Variants in SORCS2 observed in about 807,000 individuals in gnomAD.
SORCS2 encodes the protein VPS10 domain-containing receptor SorCS2.
Under a neutral mutation model 141.6 loss-of-function variants are expected in SORCS2, and 100 were observed. The observed-to-expected ratio is 0.71, with a 90% CI of 0.60 to 0.83. The LOEUF (loss-of-function observed/expected upper bound fraction) is 0.83. Among genes scored for constraint, SORCS2 ranks in the 40% least tolerant of loss-of-function variants. SORCS2 has a pLI of 0.00. For synonymous variants in SORCS2, 789 were observed against 676.9 expected (o/e 1.17, Z -2.57); for missense variants, 1,646 against 1,560.2 (o/e 1.05, Z -0.93).
At chr4:7,282,198 C>A (rs1422373803) in intron 1 of SORCS2, among the ~76,000 whole-genome samples, 1 of 152,240 alleles carries the variant, frequency 6.6e-6, no homozygotes, top group Non-Finnish European at 1.5e-5. Flanking sequence ...TCAGTGCCGG[C>A]TGCTGCTGTT....
In SORCS2 at chr4:7,718,073, C is replaced by T. The variant is rs1726314775; in HGVS notation, c.2314C>T (p.Gln772Ter). The change falls in exon 18 of 27, where the codon CAG becomes TAG. Residue 772 changes from glutamine to a stop codon, truncating the protein, a stop_gained. Coordinates refer to ENST00000507866, the MANE Select transcript of SORCS2 (RefSeq NM_020777.3). LOFTEE classifies it high-confidence loss of function. Reference protein sequence around the residue: ...GGVDMQQSQVQLQCPLTPPRG... With the variant: ...GGVDMQQSQV ...GGTGGACATGCAGCAGAGTCAGGTG[C>T]AGCTGCAGTGCCCCCTCACGCCGCC... The T allele has an allele frequency of 1.2e-6, 2 of 1,611,430 alleles. No individual in the cohort carries two copies. The highest frequency in any genetic ancestry group is 1.3e-5 in the African/African-American group (1 of 74,980).
rs144370920 is a variant in SORCS2, at chr4:7,474,376, G to T, written c.549-57154G>T. On this transcript the variant is annotated intron_variant, in intron 2 of 26. Coordinates refer to ENST00000507866, the MANE Select transcript of SORCS2 (RefSeq NM_020777.3). ...TCTTTATGGCCTGATGGGCTGACAG[G>T]CATCCCTCCCTTCAATGTCAGGGAG... Among the ~76,000 whole-genome samples, 113 of 152,310 alleles carry T rather than the reference G, an allele frequency of 7.4e-4. 1 individual carries two copies. The highest frequency in any genetic ancestry group is 2.6e-3 in the African/African-American group (108 of 41,566).
chr4:7,422,794 G>A (rs1354688428), intron 2 of SORCS2, among the ~76,000 whole-genome samples: 7 of 152,126 alleles, frequency 4.6e-5, no homozygotes, highest in South Asian at 2.1e-4. Context: ...CCGAGAGTCC[G>A]TTCCAACACC....
At position 7,275,404 on chromosome 4, in the gene SORCS2, A is replaced by G. The variant is rs190431990; in HGVS notation, c.480+82278A>G. ...TTTATTGATCCTTGATAGAGTACCT[A>G]TCATGTGTCTGGCTCAGGGCTGGAC... On this transcript the variant is annotated intron_variant, in intron 1 of 26. Coordinates refer to ENST00000507866, the MANE Select transcript of SORCS2 (RefSeq NM_020777.3). Among the ~76,000 whole-genome samples the G allele has an allele frequency of 1.4e-3, 220 of 152,290 alleles. 3 individuals carry two copies. Among genetic ancestry groups the G allele is most frequent in the Admixed American group, 0.013 (192 of 15,300 alleles).
At chr4:7,478,940 C>T (rs1379017116) in intron 2 of SORCS2, among the ~76,000 whole-genome samples, 1 of 152,232 alleles carries the variant, frequency 6.6e-6, no homozygotes, top group Non-Finnish European at 1.5e-5. Flanking sequence ...TTCTCCTCTC[C>T]TGACGGGCTC....
intron 11 of SORCS2, among the ~76,000 whole-genome samples, chr4:7,691,640 C>T (rs1003248210): frequency 6.6e-6 from 1 of 152,126 alleles, no homozygotes; most frequent in African/African-American, 2.4e-5. Context: ...TGTGACCCAT[C>T]AGCATCAATG....
At chr4:7,444,215 A>T (rs1727853509) in intron 2 of SORCS2, among the ~76,000 whole-genome samples, 1 of 152,394 alleles carries the variant, frequency 6.6e-6, no homozygotes, top group African/African-American at 2.4e-5. Context: ...TCCTGGGAAT[A>T]TTTGAGTTAA....
At chr4:7,247,611 G>A (rs896552764) in intron 1 of SORCS2, among the ~76,000 whole-genome samples, 6 of 152,234 alleles carry the variant, frequency 3.9e-5, no homozygotes, top group Non-Finnish European at 5.9e-5. Context: ...GCGTGTTAGG[G>A]TTGCTGGAGG....
chr4:7,352,046 C>G (rs1159765365), intron 1 of SORCS2, among the ~76,000 whole-genome samples: 3 of 152,068 alleles, frequency 2.0e-5, no homozygotes, highest in African/African-American at 7.2e-5. Context: ...ACCCGTCCAC[C>G]CACCCAATAC....
rs1724422069 is a variant in SORCS2, at chr4:7,399,330, A to T, written c.548+2975A>T. 2.0e-5 allele frequency among the ~76,000 whole-genome samples: 3 copies of T among 152,086 alleles called. No homozygotes were observed. In the South Asian group the frequency reaches 6.2e-4, roughly 32 times the overall value. ...TGGAGAGCACATATTAAATAGGGCT[A>T]TTAAAGACACAATTAATGAATGTGC... On this transcript the variant is annotated intron_variant, in intron 2 of 26. Transcript: ENST00000507866.
chr4:7,500,275 A>T (rs1731884275), intron 2 of SORCS2, among the ~76,000 whole-genome samples: 1 of 151,368 alleles, frequency 6.6e-6, no homozygotes, highest in Non-Finnish European at 1.5e-5. Context: ...AGCCCCGAGC[A>T]GTGGTGGGCA....
At chr4:7,499,446 G>A (rs1178640035) in intron 2 of SORCS2, among the ~76,000 whole-genome samples, 1 of 152,186 alleles carries the variant, frequency 6.6e-6, no homozygotes, top group Non-Finnish European at 1.5e-5. Context: ...GGATGCCACT[G>A]CAGGGGCACC....
chr4:7,732,760 A>T (rs1364240266), intron 23 of SORCS2, among the ~76,000 whole-genome samples: 1 of 151,576 alleles, frequency 6.6e-6, no homozygotes, highest in Non-Finnish European at 1.5e-5. Context: ...CCCGACTAAA[A>T]CAAGAGCTCA....
chr4:7,320,235 C>CA, intron 1 of SORCS2, among the ~76,000 whole-genome samples: 1 of 152,236 alleles, frequency 6.6e-6, no homozygotes, highest in South Asian at 2.1e-4. Flanking sequence ...AACTGATAAT[C>CA]AAAAAAATCA....
intron 3 of SORCS2, among the ~76,000 whole-genome samples, chr4:7,571,453 G>C (rs2109712416): frequency 6.6e-6 from 1 of 152,322 alleles, no homozygotes; most frequent in Middle Eastern, 3.4e-3. Context: ...TGTTTGATGA[G>C]AATAGCTCTG....
chr4:7,433,261 A>G (rs4318651), intron 2 of SORCS2: 656,177 of 1,312,158 alleles, frequency 0.5, 168,600 homozygotes, highest in East Asian at 0.6. Context: ...GGATGGGGAA[A>G]GCACCCACCT....
chr4:7,348,374 C>T (rs974637504), intron 1 of SORCS2, among the ~76,000 whole-genome samples: 5 of 152,190 alleles, frequency 3.3e-5, no homozygotes, highest in African/African-American at 7.2e-5. Flanking sequence ...TATGCTGTGT[C>T]GGACACCGCT....
intron 1 of SORCS2, among the ~76,000 whole-genome samples, chr4:7,347,906 T>C (rs1352227881): frequency 1.3e-5 from 2 of 152,246 alleles, no homozygotes; most frequent in Non-Finnish European, 2.9e-5. Context: ...TTTCAATTCA[T>C]TATTACAATG....
At chr4:7,605,332 C>G (rs921976372) in intron 3 of SORCS2, among the ~76,000 whole-genome samples, 1 of 152,146 alleles carries the variant, frequency 6.6e-6, no homozygotes, top group Non-Finnish European at 1.5e-5. Context: ...TATGTTCACC[C>G]TGAGTTTCGG....
Sources: allele counts gnomAD v4.1 joint callset (sites outside exome capture counted in the v4.1 genomes callset), GRCh38; gene constraint gnomAD v4.1.1; transcripts MANE v1.5; gene names NCBI Gene and HGNC (gene_info 2026-07-23, HGNC 2026-07-21).